Variants in ARMC8 observed in about 807,000 individuals in gnomAD.
ARMC8 encodes the protein armadillo repeat containing 8.
Under a neutral mutation model 99.3 loss-of-function variants are expected in ARMC8, and 20 were observed. That is an observed-to-expected ratio of 0.20 (90% confidence interval 0.14 to 0.29). The LOEUF is 0.29. Ranked by LOEUF, ARMC8 falls within the 10% of genes least tolerant of loss-of-function variation. The pLI is 1.00. For missense variants in ARMC8, 569 were observed against 809.5 expected (o/e 0.70, Z 3.60); for synonymous variants, 263 against 278.3 (o/e 0.95, Z 0.55).
intron 18 of ARMC8, among the ~76,000 whole-genome samples, chr3:138,276,437 T>C (rs1046160571): frequency 2.0e-5 from 3 of 152,166 alleles, no homozygotes; most frequent in Admixed American, 6.5e-5. Flanking sequence ...ACCACTCCTG[T>C]TCAACATTGT....
At chr3:138,204,217 C>T (rs1401414857) in intron 1 of ARMC8, among the ~76,000 whole-genome samples, 2 of 152,088 alleles carry the variant, frequency 1.3e-5, no homozygotes, top group African/African-American at 4.8e-5. Flanking sequence ...CCTCAGCCTC[C>T]TGAATAGCTG....
intron 2 of ARMC8, among the ~76,000 whole-genome samples, chr3:138,216,134 G>A (rs532512356): frequency 4.0e-4 from 59 of 149,074 alleles, no homozygotes; most frequent in African/African-American, 1.3e-3. Context: ...TGATCCGCCC[G>A]CCTCGGACTT....
chr3:138,282,725 G>T (rs527300878), intron 18 of ARMC8, among the ~76,000 whole-genome samples: 1 of 151,416 alleles, frequency 6.6e-6, no homozygotes. Flanking sequence ...GGAAAGCAAC[G>T]ATAATTCACT....
Position 138,229,178 on chromosome 3 carries a change from A to ATATATATATATG in ARMC8, c.528+173_528+174insATATATGTATAT, listed in dbSNP as rs1576686064. ...TATATATATATATATATATATATAT[A>ATATATATATATG]TATATGTATATGTATATGTATATGT... On this transcript the variant is annotated intron_variant, in intron 6 of 21. Coordinates refer to ENST00000469044, the MANE Select transcript of ARMC8 (RefSeq NM_001363941.2). 1.2e-3 allele frequency: 39 copies of ATATATATATATG among 32,054 alleles called. 2 individuals carry two copies. Among genetic ancestry groups the ATATATATATATG allele is most frequent in the African/African-American group, 1.5e-3 (15 of 10,270 alleles). The allele number at this position is 32,054 out of a possible 1,614,324, so 2.0% of individuals were successfully genotyped here. A position where few individuals can be genotyped will look rare whatever the true frequency, so the allele number is the denominator to read the frequency against.
In ARMC8 at chr3:138,242,102, T is replaced by C. The variant is rs555676305; in HGVS notation, c.1038+119T>C. On this transcript the variant is annotated intron_variant, in intron 11 of 21. Transcript: ENST00000469044. ...AAAGCCCTTTTAAATAAAGGTTCTT[T>C]TATCTTTGGTAACATAGATAATATT... 2.0e-4 allele frequency: 152 copies of C among 749,358 alleles called. 3 individuals are homozygous for C. The South Asian group carries it at 2.7e-3, about 13-fold the overall frequency. The allele number at this position is 749,358 out of a possible 1,614,324, so 46.4% of individuals were successfully genotyped here. A position where few individuals can be genotyped will look rare whatever the true frequency, so the allele number is the denominator to read the frequency against.
intron 10 of ARMC8, among the ~76,000 whole-genome samples, chr3:138,240,250 T>A (rs1273384512): frequency 6.6e-6 from 1 of 152,218 alleles, no homozygotes; most frequent in Non-Finnish European, 1.5e-5. Flanking sequence ...AGTAAATTGA[T>A]GATGTGTCAT....
rs973150209 is a variant in ARMC8 at position 138,187,514 on chromosome 3, C to G, written c.-41C>G. 1.3e-6 allele frequency: 2 copies of G among 1,535,214 alleles called. No homozygotes were observed. Among genetic ancestry groups the G allele is most frequent in the African/African-American group, 1.4e-5 (1 of 73,166 alleles). Reference sequence around the variant, plus strand: ...TAGTTGGCTGTCGAAAGTGCCGGCCCCCGCGCCGGCGCCTGCAGCAGCCGG... The same window carrying G: ...TAGTTGGCTGTCGAAAGTGCCGGCCGCCGCGCCGGCGCCTGCAGCAGCCGG... On this transcript the variant is annotated 5_prime_UTR_variant, in exon 1 of 22. Coordinates refer to ENST00000469044, the MANE Select transcript of ARMC8 (RefSeq NM_001363941.2).
intron 2 of ARMC8, among the ~76,000 whole-genome samples, chr3:138,214,328 G>A (rs1011236466): frequency 9.2e-5 from 14 of 151,892 alleles, no homozygotes; most frequent in African/African-American, 3.4e-4. Flanking sequence ...AGGCACTTGT[G>A]GATGCTGCAG....
chr3:138,221,674 A>G lies in ARMC8; in HGVS notation c.123-252A>G, dbSNP rs576669391. Among the ~76,000 whole-genome samples, 3 of 152,222 alleles carry G rather than the reference A, an allele frequency of 2.0e-5. No homozygotes were observed. The East Asian group carries it at 5.8e-4, about 29-fold the overall frequency. On this transcript the variant is annotated intron_variant, in intron 2 of 21. Transcript: ENST00000469044. ...CAAAGTATTGGTAGGTACCCTTTCTAGAAGAACTCAATTCTGTACTGGAAG... is the reference window on the plus strand; with the variant it reads ...CAAAGTATTGGTAGGTACCCTTTCTGGAAGAACTCAATTCTGTACTGGAAG...
chr3:138,198,971 T>C (rs2043899283), intron 1 of ARMC8, among the ~76,000 whole-genome samples: 1 of 152,112 alleles, frequency 6.6e-6, no homozygotes, highest in African/African-American at 2.4e-5. Flanking sequence ...AATTATATAT[T>C]TTAGTGTTTT....
At chr3:138,263,526 C>G in intron 12 of ARMC8, 1 of 586,140 alleles carries the variant, frequency 1.7e-6, no homozygotes, top group Non-Finnish European at 3.1e-6. Flanking sequence ...CTGCCCCTTA[C>G]GCCTGTCATT....
chr3:138,285,195 T>A (rs1021062020), intron 19 of ARMC8, among the ~76,000 whole-genome samples: 4 of 152,206 alleles, frequency 2.6e-5, no homozygotes, highest in South Asian at 2.1e-4. Context: ...GCTGGCACCC[T>A]CATTCTCCAT....
At chr3:138,263,641 G>A (rs932633697) in intron 12 of ARMC8, 98 bp from the exon 13 acceptor site, 8 of 1,114,580 alleles carry the variant, frequency 7.2e-6, no homozygotes, top group African/African-American at 1.5e-5. Context: ...CAAAAACAAC[G>A]TTAAACTTTT....
chr3:138,295,424 C>T (rs183194634), intron 21 of ARMC8, among the ~76,000 whole-genome samples: 5 of 152,348 alleles, frequency 3.3e-5, no homozygotes, highest in South Asian at 2.1e-4. Flanking sequence ...ACCATTTCCT[C>T]GGTCAGTTTT....
chr3:138,211,637 A>T (rs2044700625), intron 2 of ARMC8, among the ~76,000 whole-genome samples: 1 of 152,216 alleles, frequency 6.6e-6, no homozygotes, highest in Non-Finnish European at 1.5e-5. Flanking sequence ...GGAATGGTAG[A>T]GTAGAAGGAG....
At chr3:138,262,464 CTT>C in intron 12 of ARMC8, 1 of 1,520,232 alleles carries the variant, frequency 6.6e-7, no homozygotes, top group South Asian at 1.2e-5. Context: ...ATTTTCTTCT[CTT>C]CTTGTTTGGC....
intron 6 of ARMC8, among the ~76,000 whole-genome samples, chr3:138,233,675 C>T (rs2046180420): frequency 6.6e-6 from 1 of 152,134 alleles, no homozygotes; most frequent in African/African-American, 2.4e-5. Flanking sequence ...CTAATTTCCC[C>T]ACTTCAAATG....
chr3:138,221,488 AATAATAT>A (rs1400322543), intron 2 of ARMC8, among the ~76,000 whole-genome samples: 1 of 152,180 alleles, frequency 6.6e-6, no homozygotes, highest in Non-Finnish European at 1.5e-5. Flanking sequence ...AATTGTAAGA[AATAATAT>A]ATAAAGAAGT....
intron 21 of ARMC8, 150 bp downstream of exon 21, chr3:138,290,789 C>A: frequency 1.6e-6 from 1 of 617,836 alleles, no homozygotes; most frequent in Non-Finnish European, 2.9e-6. Flanking sequence ...CACTGTACGA[C>A]ATTTGAGTGA....
Sources: allele counts gnomAD v4.1 joint callset (sites outside exome capture counted in the v4.1 genomes callset), GRCh38; gene constraint gnomAD v4.1.1; transcripts MANE v1.5; gene names NCBI Gene and HGNC (gene_info 2026-07-23, HGNC 2026-07-21).